HECTD2: variants seen among roughly 807,000 people sequenced by gnomAD.
HECTD2 encodes HECT domain E3 ubiquitin protein ligase 2.
A neutral mutation model predicts 103.2 loss-of-function variants in HECTD2; 35 were observed. The observed-to-expected ratio is 0.34, with a 90% CI of 0.26 to 0.45. The LOEUF is 0.45. Among genes scored for constraint, HECTD2 ranks in the 20% least tolerant of loss-of-function variants. The pLI, the probability that HECTD2 is intolerant of heterozygous loss-of-function variation, is 1.00. For synonymous variants in HECTD2, 281 were observed against 329.9 expected, an observed-to-expected ratio of 0.85 and a Z score of 1.61; for missense variants, 596 against 937.4, an observed-to-expected ratio of 0.64 and a Z score of 4.76.
rs776123156 is a variant in HECTD2, at chr10:91,498,105, T to TAA, written c.1681-2_1681-1insAA. On this transcript the variant is annotated splice_region_variant and splice_polypyrimidine_tract_variant and intron_variant, in intron 15 of 20. Coordinates refer to ENST00000298068, the MANE Select transcript of HECTD2 (RefSeq NM_182765.6). ...AAAATCATTAACAGATTTCTTTTTA[T>TAA]AGGAGTTGGCCCATGGATTAAGTGA... 1.2e-6 allele frequency: 2 copies of TAA among 1,601,186 alleles called. No individual in the cohort carries two copies. The highest frequency in any genetic ancestry group is 1.7e-6 in the Non-Finnish European group (2 of 1,168,546).
intron 2 of HECTD2, among the ~76,000 whole-genome samples, chr10:91,459,499 G>A (rs1316287759): frequency 1.3e-5 from 2 of 152,010 alleles, no homozygotes; most frequent in Non-Finnish European, 2.9e-5. Flanking sequence ...CAATAAAAAT[G>A]AACTATCTGT....
intron 5 of HECTD2, among the ~76,000 whole-genome samples, chr10:91,464,255 G>A (rs1589512753): frequency 6.6e-6 from 1 of 152,062 alleles, no homozygotes; most frequent in African/African-American, 2.4e-5. Flanking sequence ...AACCTATTGG[G>A]GAACCAAATC....
intron 2 of HECTD2, among the ~76,000 whole-genome samples, chr10:91,445,691 A>G (rs1430211703): frequency 6.6e-6 from 1 of 152,102 alleles, no homozygotes; most frequent in Non-Finnish European, 1.5e-5. Flanking sequence ...TACCCAGCTC[A>G]TCTCACTGGG....
chr10:91,463,130 T>A (rs1271320362), intron 5 of HECTD2: 1 of 151,976 alleles, frequency 6.6e-6, no homozygotes, highest in African/African-American at 2.4e-5. Context: ...AACTTTTGAC[T>A]CCCCAGAAGC....
chr10:91,419,183 T>G (rs948308992), intron 1 of HECTD2, among the ~76,000 whole-genome samples: 3 of 152,116 alleles, frequency 2.0e-5, no homozygotes, highest in South Asian at 2.1e-4. Flanking sequence ...CAAAGTAAAT[T>G]TTACCAGAAT....
intron 5 of HECTD2, among the ~76,000 whole-genome samples, chr10:91,465,905 A>G (rs1845516243): frequency 6.6e-6 from 1 of 152,054 alleles, no homozygotes; most frequent in South Asian, 2.1e-4. Flanking sequence ...CCTTTCTTGT[A>G]ATATCTTTCT....
intron 20 of HECTD2, among the ~76,000 whole-genome samples, chr10:91,503,373 A>G (rs1846986378): frequency 6.6e-6 from 1 of 152,222 alleles, no homozygotes; most frequent in Non-Finnish European, 1.5e-5. Context: ...TACCGGGTTC[A>G]TCTCACTAGG....
chr10:91,502,850 G>A (rs1846959282), intron 20 of HECTD2, among the ~76,000 whole-genome samples: 1 of 152,066 alleles, frequency 6.6e-6, no homozygotes, highest in Admixed American at 6.5e-5. Context: ...GAATATGTGA[G>A]CTAACATGGC....
chr10:91,461,070 T>G (rs1845327022), intron 3 of HECTD2, among the ~76,000 whole-genome samples, 184 bp from the exon 4 acceptor site: 1 of 152,216 alleles, frequency 6.6e-6, no homozygotes, highest in South Asian at 2.1e-4. Context: ...ATGGGAAAGT[T>G]GAAGCTAGAT....
At position 91,487,580 on chromosome 10, in the gene HECTD2, A is replaced by G; in HGVS notation, c.1095-102A>G. 1.3e-6 allele frequency: 1 copy of G among 784,674 alleles called. No individual in the cohort carries two copies. Among genetic ancestry groups the G allele is most frequent in the East Asian group, 2.5e-5 (1 of 40,200 alleles). The allele number at this position is 784,674 out of a possible 1,614,324, so 48.6% of individuals were successfully genotyped here. On this transcript the variant is annotated intron_variant, in intron 10 of 20. Coordinates refer to ENST00000298068, the MANE Select transcript of HECTD2 (RefSeq NM_182765.6). The surrounding 1 kb of genome is among the most constrained non-coding windows in gnomAD (Gnocchi z 4.1). The stretch of plus-strand genomic sequence containing the variant: ...TGTATATGGTAAAACACAATCCAAA[A>G]GTAATGTTTTATATTGCTACAAGGG...
rs971389002 is a variant in HECTD2 at position 91,513,597 on chromosome 10, A to G, written c.*1213A>G. Reference sequence around the variant, plus strand: ...TGTTTTTTTTAATTTACAGCAAATGAAGCAGTTTTATTAGCATGTTACAAA... The same window carrying G: ...TGTTTTTTTTAATTTACAGCAAATGGAGCAGTTTTATTAGCATGTTACAAA... On this transcript the variant is annotated 3_prime_UTR_variant, in exon 21 of 21. Transcript: ENST00000298068. 8 of 152,630 alleles carry G rather than the reference A, an allele frequency of 5.2e-5. No individual in the cohort carries two copies. Among genetic ancestry groups the G allele is most frequent in the African/African-American group, 1.9e-4 (8 of 41,448 alleles). The allele number at this position is 152,630 out of a possible 1,614,324, so 9.5% of individuals were successfully genotyped here.
rs1009341432 is a variant in HECTD2 at position 91,487,829 on chromosome 10, ATAATT to A, written c.1191+56_1191+60del. On this transcript the variant is annotated intron_variant, in intron 11 of 20. Transcript: ENST00000298068. The surrounding 1 kb of genome is among the most constrained non-coding windows in gnomAD (Gnocchi z 4.1). ...ATGCTGACTATAATCAGTATAGTAA[ATAATT>A]TAATAAATAATTTAAATGTCTTGTG... 10 of 971,734 alleles carry A rather than the reference ATAATT, an allele frequency of 1.0e-5. No homozygotes were observed. The highest frequency in any genetic ancestry group is 3.4e-5 in the South Asian group (2 of 58,004). The allele number at this position is 971,734 out of a possible 1,614,324, so 60.2% of individuals were successfully genotyped here.
upstream of HECTD2, chr10:91,409,238 G>C (rs1842821190): frequency 6.6e-6 from 1 of 152,092 alleles, no homozygotes; most frequent in Non-Finnish European, 1.5e-5. Flanking sequence ...TGTCCCCGCC[G>C]CTCCAGTAGA....
intron 2 of HECTD2, among the ~76,000 whole-genome samples, chr10:91,450,495 C>T (rs1162853193): frequency 6.6e-6 from 1 of 152,050 alleles, no homozygotes; most frequent in Non-Finnish European, 1.5e-5. Context: ...ACACCAAAAA[C>T]AATGGCAACA....
chr10:91,459,819 G>A (rs1344098707), intron 2 of HECTD2, among the ~76,000 whole-genome samples: 1 of 151,990 alleles, frequency 6.6e-6, no homozygotes. Context: ...ATAAACAAAT[G>A]CTTATCATTG....
intron 20 of HECTD2, among the ~76,000 whole-genome samples, chr10:91,502,213 C>T (rs1846929335): frequency 6.6e-6 from 1 of 152,162 alleles, no homozygotes; most frequent in Non-Finnish European, 1.5e-5. Context: ...CTACCCCAGG[C>T]TATCTACCAG....
At chr10:91,421,619 G>T (rs1460450357) in intron 1 of HECTD2, among the ~76,000 whole-genome samples, 1 of 152,172 alleles carries the variant, frequency 6.6e-6, no homozygotes, top group African/African-American at 2.4e-5. Context: ...GGACAAGCTC[G>T]TTATAGGTTT....
At position 91,501,179 on chromosome 10, in the gene HECTD2, G is replaced by A; in HGVS notation, c.2067-12G>A. 2 of 1,601,404 alleles carry A rather than the reference G, an allele frequency of 1.2e-6. No individual in the cohort carries two copies. The highest frequency in any genetic ancestry group is 1.7e-6 in the Non-Finnish European group (2 of 1,173,988). On this transcript the variant is annotated splice_polypyrimidine_tract_variant and intron_variant, in intron 19 of 20. Transcript: ENST00000298068. ...AAGACATTTGATGTTAATTTCCTTTGGTATTCTCTAGATACTTTTGGGATG... is the reference window on the plus strand; with the variant it reads ...AAGACATTTGATGTTAATTTCCTTTAGTATTCTCTAGATACTTTTGGGATG...
chr10:91,484,306 T>A, intron 8 of HECTD2: 2 of 1,193,958 alleles, frequency 1.7e-6, no homozygotes, highest in Non-Finnish European at 2.3e-6. Flanking sequence ...TTATAGTAAT[T>A]TTGGTGTTTA....
Sources: gnomAD v4.1 joint callset for allele counts (sites outside exome capture counted in the v4.1 genomes callset) on GRCh38, gnomAD v4.1.1 for gene constraint, Gnocchi (gnomAD v3.1) non-coding constraint, MANE v1.5 for transcripts, NCBI Gene and HGNC (gene_info 2026-07-23, HGNC 2026-07-21) for gene names.